Variants in TMEM132D observed in about 807,000 individuals in gnomAD.
TMEM132D encodes mature OL transmembrane protein.
Under a neutral mutation model 62.3 loss-of-function variants are expected in TMEM132D, and 21 were observed. The observed-to-expected ratio is 0.34, with a 90% CI of 0.24 to 0.49. The LOEUF (loss-of-function observed/expected upper bound fraction) is 0.49, where lower values mean the gene tolerates loss of function less well. Among genes scored for constraint, TMEM132D ranks in the 20% least tolerant of loss-of-function variants. TMEM132D has a pLI of 0.99. For missense variants in TMEM132D, 1,346 were observed against 1,402.8 expected (o/e 0.96, Z 0.65); for synonymous variants, 621 against 575.6 (o/e 1.08, Z -1.13).
At chr12:129,206,297 G>T (rs1878845723) in intron 5 of TMEM132D, among the ~76,000 whole-genome samples, 1 of 152,156 alleles carries the variant, frequency 6.6e-6, no homozygotes, top group South Asian at 2.1e-4. Context: ...CAAAGGACAT[G>T]AACAGACATT....
chr12:129,093,004 C>T (rs954688146), intron 5 of TMEM132D, among the ~76,000 whole-genome samples: 3 of 152,218 alleles, frequency 2.0e-5, no homozygotes, highest in African/African-American at 7.2e-5. Context: ...GAACAACACA[C>T]CCTTTTCTGT....
At chr12:129,466,212 T>C (rs1873888476) in intron 3 of TMEM132D, among the ~76,000 whole-genome samples, 1 of 151,380 alleles carries the variant, frequency 6.6e-6, no homozygotes, top group African/African-American at 2.4e-5. Flanking sequence ...TTCTGCTCTC[T>C]CATGCAGGTC....
At chr12:129,315,908 GT>G (rs896903763) in intron 4 of TMEM132D, among the ~76,000 whole-genome samples, 2 of 151,966 alleles carry the variant, frequency 1.3e-5, no homozygotes, top group Non-Finnish European at 2.9e-5. Context: ...TCTTTTCTAG[GT>G]TTTCTAGCTT....
At chr12:129,226,746 C>G (rs966804241) in intron 4 of TMEM132D, among the ~76,000 whole-genome samples, 1 of 152,176 alleles carries the variant, frequency 6.6e-6, no homozygotes, top group East Asian at 1.9e-4. Context: ...TGAACAAACA[C>G]ATTTGCAGGG....
chr12:129,655,380 G>A (rs1375944886), intron 2 of TMEM132D, among the ~76,000 whole-genome samples: 3 of 151,826 alleles, frequency 2.0e-5, no homozygotes, highest in African/African-American at 7.3e-5. Flanking sequence ...CTAAGTAGCT[G>A]AGATTACAGA....
intron 4 of TMEM132D, among the ~76,000 whole-genome samples, chr12:129,284,810 C>A (rs943842599): frequency 6.6e-6 from 1 of 152,126 alleles, no homozygotes; most frequent in Non-Finnish European, 1.5e-5. Flanking sequence ...GTGAAAGAAA[C>A]CAGACACAAA....
At chr12:129,224,601 T>C (rs1382789099) in intron 4 of TMEM132D, among the ~76,000 whole-genome samples, 1 of 152,192 alleles carries the variant, frequency 6.6e-6, no homozygotes. Flanking sequence ...CTAGTGGAGC[T>C]TGCTATTAAA....
intron 3 of TMEM132D, among the ~76,000 whole-genome samples, chr12:129,343,687 G>T (rs1593344802): frequency 6.6e-6 from 1 of 151,606 alleles, no homozygotes; most frequent in East Asian, 1.9e-4. Context: ...TGAGGTGGAT[G>T]GATCACTTGA....
rs183498274 is a variant in TMEM132D at position 129,418,271 on chromosome 12, T to A, written c.1116-80454A>T. Among the ~76,000 whole-genome samples, 702 of 152,298 alleles carry A rather than the reference T, an allele frequency of 4.6e-3. 4 individuals are homozygous for A. Among genetic ancestry groups the A allele is most frequent in the Non-Finnish European group, 7.1e-3 (483 of 68,030 alleles). On this transcript the variant is annotated intron_variant, in intron 3 of 8. Coordinates refer to ENST00000422113, the MANE Select transcript of TMEM132D (RefSeq NM_133448.3). ...AAAGACACATACACGTGTATGTTAA[T>A]TGCAGCACCATTTACAATAGCAAAG...
chr12:129,879,832 C>A (rs559214348), intron 1 of TMEM132D, among the ~76,000 whole-genome samples: 1 of 152,076 alleles, frequency 6.6e-6, no homozygotes, highest in African/African-American at 2.4e-5. Flanking sequence ...AAAAAGAAGA[C>A]AACCAAGAAA....
chr12:129,728,651 GA>G (rs1262249042), intron 1 of TMEM132D, among the ~76,000 whole-genome samples: 1 of 152,194 alleles, frequency 6.6e-6, no homozygotes, highest in Non-Finnish European at 1.5e-5. Context: ...CATGTGGAAG[GA>G]AAAATATTTC....
At chr12:129,799,419 GTATATATGTGTATATA>G (rs1871680827) in intron 1 of TMEM132D, among the ~76,000 whole-genome samples, 8 of 826 alleles carry the variant, frequency 9.7e-3, no homozygotes, top group East Asian at 0.067. Flanking sequence ...ATATATATGT[GTATATATGTGTATATA>G]TGTATATATA....
intron 3 of TMEM132D, among the ~76,000 whole-genome samples, chr12:129,407,405 G>A (rs1289183198): frequency 6.6e-6 from 1 of 152,138 alleles, no homozygotes; most frequent in Non-Finnish European, 1.5e-5. Context: ...CCGTCTCTGG[G>A]AAGCCTAGAG....
intron 3 of TMEM132D, among the ~76,000 whole-genome samples, chr12:129,493,916 G>C (rs1176562010): frequency 6.6e-6 from 1 of 152,192 alleles, no homozygotes; most frequent in African/African-American, 2.4e-5. Flanking sequence ...TCAGAGACTC[G>C]AAGCTCAAAC....
At chr12:129,767,598 G>C (rs908280276) in intron 1 of TMEM132D, among the ~76,000 whole-genome samples, 1 of 152,184 alleles carries the variant, frequency 6.6e-6, no homozygotes, top group Non-Finnish European at 1.5e-5. Context: ...TACAGCATTT[G>C]TCTTGTCATG....
chr12:129,208,198 G>C (rs1348650595), intron 5 of TMEM132D, among the ~76,000 whole-genome samples: 2 of 152,154 alleles, frequency 1.3e-5, no homozygotes, highest in African/African-American at 4.8e-5. Flanking sequence ...GGATTGGGGT[G>C]GTGGCAGGAC....
intron 2 of TMEM132D, among the ~76,000 whole-genome samples, chr12:129,605,334 T>C (rs1017687801): frequency 3.3e-5 from 5 of 151,862 alleles, no homozygotes; most frequent in African/African-American, 4.8e-5. Context: ...AAGATATATA[T>C]ACAAAACACA....
At chr12:129,763,457 A>G (rs921514) in intron 1 of TMEM132D, among the ~76,000 whole-genome samples, 139,335 of 148,910 alleles carry the variant, frequency 0.94, 65,631 homozygotes, top group Non-Finnish European at 1. Context: ...TGAAATAGTA[A>G]AATATCAGCA....
chr12:129,626,303 T>C (rs1484246131), intron 2 of TMEM132D, among the ~76,000 whole-genome samples: 8 of 152,176 alleles, frequency 5.3e-5, no homozygotes, highest in Non-Finnish European at 1.2e-4. Flanking sequence ...CCAAAGAACA[T>C]AATCGAAGAC....
Sources: gnomAD v4.1 joint callset for allele counts (sites outside exome capture counted in the v4.1 genomes callset) on GRCh38, gnomAD v4.1.1 for gene constraint, MANE v1.5 for transcripts, NCBI Gene and HGNC (gene_info 2026-07-23, HGNC 2026-07-21) for gene names.